NALF1: variants seen among roughly 807,000 people sequenced by gnomAD.
NALF1 encodes NALCN channel auxiliary factor 1, also known as family with sequence similarity 155 member A.
Under a neutral mutation model 48.4 loss-of-function variants are expected in NALF1, and 3 were observed. The observed-to-expected ratio is 0.06, with a 90% confidence interval of 0.03 to 0.16. The LOEUF (loss-of-function observed/expected upper bound fraction) is 0.16. Ranked by LOEUF, NALF1 falls within the 10% of genes least tolerant of loss-of-function variation. The pLI is 1.00. For synonymous variants in NALF1, 262 were observed against 245.7 expected (o/e 1.07, Z -0.62); for missense variants, 526 against 571.5 (o/e 0.92, Z 0.81).
rs1295934748 is a variant in NALF1, at chr13:107,168,304, T to C, written c.*2193A>G. ...ATTGAAATCTGTATTCCACCATTGG[T>C]TGGGATACCAAAGTGCTCATTTCTA... On this transcript the variant is annotated 3_prime_UTR_variant, in exon 3 of 3. Transcript: ENST00000375915. 2 of 152,166 alleles carry C rather than the reference T, an allele frequency of 1.3e-5. No homozygotes were observed. Among genetic ancestry groups the C allele is most frequent in the African/African-American group, 4.8e-5 (2 of 41,432 alleles). 9.4% of individuals were successfully genotyped at this position (152,166 alleles called of 1,614,324 possible).
At chr13:107,302,565 G>A (rs766683030) in intron 1 of NALF1, among the ~76,000 whole-genome samples, 4 of 152,062 alleles carry the variant, frequency 2.6e-5, no homozygotes, top group Non-Finnish European at 5.9e-5. Flanking sequence ...GGGCTCCAAT[G>A]GAAATGAGAG....
At chr13:107,201,531 C>T (rs1207111547) in intron 2 of NALF1, among the ~76,000 whole-genome samples, 5 of 151,886 alleles carry the variant, frequency 3.3e-5, no homozygotes, top group Non-Finnish European at 4.4e-5. Context: ...GAGTCGAGAT[C>T]GTGCCACTGC....
In NALF1 at chr13:107,506,864, T is replaced by C. The variant is rs552788473; in HGVS notation, c.916-296109A>G. 1.1e-4 allele frequency among the ~76,000 whole-genome samples: 16 copies of C among 152,232 alleles called. No homozygotes were observed. In the East Asian group the frequency reaches 2.9e-3, roughly 28 times the overall value. ...AACATTCATTTAGACATTTTTTCAA[T>C]TGACTTTTTTTTTAATTTCTCCTGG... is the stretch of plus-strand genomic sequence containing the variant. On this transcript the variant is annotated intron_variant, in intron 1 of 2. Coordinates refer to ENST00000375915, the MANE Select transcript of NALF1 (RefSeq NM_001080396.3).
intron 1 of NALF1, among the ~76,000 whole-genome samples, chr13:107,385,490 T>C (rs1397817523): frequency 1.4e-5 from 2 of 146,244 alleles, no homozygotes; most frequent in East Asian, 2.0e-4. Context: ...GAGGTGGAGG[T>C]TGCAGTGAGC....
chr13:107,818,871 C>CAAAAAAAAAAAAAAAAAAAAAAAAA (rs774372636), intron 1 of NALF1, among the ~76,000 whole-genome samples: 4 of 73,816 alleles, frequency 5.4e-5, no homozygotes, highest in South Asian at 5.1e-4. Flanking sequence ...GACTCCGTCT[C>CAAAAAAAAAAAAAAAAAAAAAAAAA]AAAAAAAAAA....
intron 1 of NALF1, among the ~76,000 whole-genome samples, chr13:107,841,521 T>A (rs1324755178): frequency 6.6e-6 from 1 of 152,124 alleles, no homozygotes; most frequent in Non-Finnish European, 1.5e-5. Flanking sequence ...AAATAAATAT[T>A]ATAAGTCATG....
chr13:107,637,233 T>C (rs1286715228), intron 1 of NALF1, among the ~76,000 whole-genome samples: 1 of 142,100 alleles, frequency 7.0e-6, no homozygotes, highest in South Asian at 2.4e-4. Context: ...AACTGTATAT[T>C]GTATTTGTTG....
At chr13:107,754,254 C>T (rs927790244) in intron 1 of NALF1, among the ~76,000 whole-genome samples, 1 of 151,802 alleles carries the variant, frequency 6.6e-6, no homozygotes, top group Non-Finnish European at 1.5e-5. Flanking sequence ...TAATGCAAAT[C>T]CACAAACCTT....
intron 1 of NALF1, among the ~76,000 whole-genome samples, chr13:107,620,306 A>G (rs1380836416): frequency 1.3e-5 from 2 of 152,208 alleles, no homozygotes. Flanking sequence ...TCAACATCTG[A>G]GCCACAAAGA....
intron 1 of NALF1, among the ~76,000 whole-genome samples, chr13:107,403,222 A>ATTTTTTTTTTTTTTTTTTTTTGT (rs1594157203): frequency 1.9e-5 from 1 of 52,502 alleles, no homozygotes; most frequent in Non-Finnish European, 3.6e-5. Flanking sequence ...TTTTTTTATC[A>ATTTTTTTTTTTTTTTTTTTTTGT]TTTTCGTAAT....
chr13:107,473,120 C>A (rs1885126801), intron 1 of NALF1, among the ~76,000 whole-genome samples: 1 of 152,210 alleles, frequency 6.6e-6, no homozygotes, highest in Admixed American at 6.5e-5. Context: ...TTTGTGTTTA[C>A]TTTCACCTTA....
intron 1 of NALF1, among the ~76,000 whole-genome samples, chr13:107,618,883 G>A (rs1457471099): frequency 6.6e-6 from 1 of 152,174 alleles, no homozygotes; most frequent in Non-Finnish European, 1.5e-5. Context: ...AGGAACAATA[G>A]CAAAAGCTAA....
rs11330259 is a variant in NALF1, at chr13:107,650,394, T to TAAAAAAA, written c.915+215281_915+215287dup. ...TTTGAACGGTAATCTCTGCAACCAT[T>TAAAAAAA]AAAAAAAAAAAAAAGGAACAAATTA... is the stretch of plus-strand genomic sequence containing the variant. On this transcript the variant is annotated intron_variant, in intron 1 of 2. Coordinates refer to ENST00000375915, the MANE Select transcript of NALF1 (RefSeq NM_001080396.3). Among the ~76,000 whole-genome samples the TAAAAAAA allele has an allele frequency of 2.0e-4, 22 of 107,664 alleles. 1 individual carries two copies. Among genetic ancestry groups the TAAAAAAA allele is most frequent in the Middle Eastern group, 6.7e-3 (1 of 150 alleles). The allele number at this position is 107,664 out of a possible 152,430, so 70.6% of individuals were successfully genotyped here.
chr13:107,523,304 C>T lies in NALF1; in HGVS notation c.916-312549G>A, dbSNP rs148214984. Among the ~76,000 whole-genome samples, 359 of 152,228 alleles carry T rather than the reference C, an allele frequency of 2.4e-3. 2 individuals are homozygous for T. Among genetic ancestry groups the T allele is most frequent in the African/African-American group, 7.7e-3 (319 of 41,546 alleles). ...TCTCCAGGTGGCATAGTTTAATGTTCACGGGTATTTTAGAATCTCAGTAGC... is the reference window on the plus strand; with the variant it reads ...TCTCCAGGTGGCATAGTTTAATGTTTACGGGTATTTTAGAATCTCAGTAGC... On this transcript the variant is annotated intron_variant, in intron 1 of 2. Transcript: ENST00000375915.
intron 1 of NALF1, among the ~76,000 whole-genome samples, chr13:107,626,567 A>C (rs1301518137): frequency 1.3e-5 from 2 of 152,172 alleles, no homozygotes; most frequent in East Asian, 3.8e-4. Flanking sequence ...AATATATAAA[A>C]TGGAATATTA....
At chr13:107,676,183 C>A (rs957576596) in intron 1 of NALF1, among the ~76,000 whole-genome samples, 1 of 152,190 alleles carries the variant, frequency 6.6e-6, no homozygotes, top group Non-Finnish European at 1.5e-5. Context: ...TAAACAAATG[C>A]ACACTATGAC....
rs1487529063 is a variant in NALF1 at position 107,429,969 on chromosome 13, A to C, written c.916-219214T>G. Reference sequence around the variant, plus strand: ...AATTCAATAAAGCTGTTATACAAACACATAACCTATGAGACTGCTTAACTT... The same window carrying C: ...AATTCAATAAAGCTGTTATACAAACCCATAACCTATGAGACTGCTTAACTT... On this transcript the variant is annotated intron_variant, in intron 1 of 2. Coordinates refer to ENST00000375915, the MANE Select transcript of NALF1 (RefSeq NM_001080396.3). 2.0e-5 allele frequency among the ~76,000 whole-genome samples: 3 copies of C among 152,218 alleles called. No individual in the cohort carries two copies. In the East Asian group the frequency reaches 5.8e-4, roughly 29 times the overall value.
chr13:107,676,782 T>C (rs1031245984), intron 1 of NALF1, among the ~76,000 whole-genome samples: 1 of 152,188 alleles, frequency 6.6e-6, no homozygotes, highest in African/African-American at 2.4e-5. Context: ...TTAAAGCTGG[T>C]ATAAAATAGT....
chr13:107,310,774 T>C (rs967585013), intron 1 of NALF1, among the ~76,000 whole-genome samples: 1 of 152,004 alleles, frequency 6.6e-6, no homozygotes, highest in Non-Finnish European at 1.5e-5. Context: ...GCCTCCCAGG[T>C]TCAAGTGATT....
Sources: allele counts gnomAD v4.1 joint callset (sites outside exome capture counted in the v4.1 genomes callset), GRCh38; gene constraint gnomAD v4.1.1; transcripts MANE v1.5; gene names NCBI Gene and HGNC (gene_info 2026-07-23, HGNC 2026-07-21).